The following CCDC60 variants were observed in gnomAD, a reference collection of about 807,000 sequenced individuals.
CCDC60 encodes the protein coiled-coil domain-containing protein 60.
Under a neutral mutation model 63.5 loss-of-function variants are expected in CCDC60, and 54 were observed. That is an observed-to-expected ratio of 0.85 (90% confidence interval 0.68 to 1.07). CCDC60 has a LOEUF of 1.07. Ranked by LOEUF, CCDC60 falls within the 50% of genes least tolerant of loss-of-function variation. The pLI, the probability that CCDC60 is intolerant of heterozygous loss-of-function variation, is 0.00. For missense variants in CCDC60, 651 were observed against 684.3 expected (o/e 0.95, Z 0.54); for synonymous variants, 206 against 238.8 (o/e 0.86, Z 1.27).
Position 119,456,762 on chromosome 12 carries a change from T to C in CCDC60, c.171-15232T>C, listed in dbSNP as rs1264380735. On this transcript the variant is annotated intron_variant, in intron 2 of 13. Transcript: ENST00000327554. The surrounding 1 kb of genome is among the most constrained non-coding windows in gnomAD (Gnocchi z 4.6). The stretch of plus-strand genomic sequence containing the variant: ...GTAACTTCCTGACATTGCCATGGCA[T>C]TGGTAAACTGTCATGGCGCTGACAG... Among the ~76,000 whole-genome samples, 1 of 152,224 alleles carries C rather than the reference T, an allele frequency of 6.6e-6. No individual in the cohort carries two copies. The highest frequency in any genetic ancestry group is 1.5e-5 in the Non-Finnish European group (1 of 68,036).
At chr12:119,477,616 A>G (rs541343358) in intron 3 of CCDC60, among the ~76,000 whole-genome samples, 1 of 152,354 alleles carries the variant, frequency 6.6e-6, no homozygotes, top group Non-Finnish European at 1.5e-5. Context: ...CAATGATCCA[A>G]TCAATGAAAG....
intron 4 of CCDC60, among the ~76,000 whole-genome samples, chr12:119,486,037 G>T (rs1224016181): frequency 6.6e-6 from 1 of 152,142 alleles, no homozygotes. Flanking sequence ...CAAAACAGAA[G>T]AACCCATAGG....
chr12:119,518,360 AC>A (rs1248504765), intron 8 of CCDC60, among the ~76,000 whole-genome samples: 1 of 151,942 alleles, frequency 6.6e-6, no homozygotes, highest in Admixed American at 6.6e-5. Flanking sequence ...CTTTCTCTAA[AC>A]CTCTGTTTTC....
chr12:119,452,596 A>T (rs896732470), intron 2 of CCDC60, among the ~76,000 whole-genome samples: 1 of 152,216 alleles, frequency 6.6e-6, no homozygotes, highest in Non-Finnish European at 1.5e-5. Flanking sequence ...GAAGTTAAAG[A>T]AATCAGTAGC....
chr12:119,465,047 C>A (rs1000360514), intron 2 of CCDC60, among the ~76,000 whole-genome samples: 2 of 152,244 alleles, frequency 1.3e-5, no homozygotes, highest in Non-Finnish European at 2.9e-5. Context: ...CGCGGTGGCT[C>A]ATGCCTGTAA....
chr12:119,464,384 T>G (rs1004946339), intron 2 of CCDC60, among the ~76,000 whole-genome samples: 9 of 146,856 alleles, frequency 6.1e-5, no homozygotes, highest in Non-Finnish European at 1.2e-4. Flanking sequence ...TCCTTCCTCC[T>G]TCCTTCCCTC....
intron 13 of CCDC60, among the ~76,000 whole-genome samples, chr12:119,538,790 A>G (rs907442305): frequency 6.6e-6 from 1 of 152,138 alleles, no homozygotes; most frequent in African/African-American, 2.4e-5. Context: ...GGGAATTTTC[A>G]GCCTTTTTGT....
intron 1 of CCDC60, among the ~76,000 whole-genome samples, chr12:119,372,590 T>C (rs1284663814): frequency 6.6e-6 from 1 of 152,092 alleles, no homozygotes; most frequent in East Asian, 1.9e-4. Context: ...GGCAGTGCCA[T>C]AGTCCAAAGC....
chr12:119,335,625 T>C lies in CCDC60; in HGVS notation c.90+359T>C, dbSNP rs574870996. ...TTGAGAAGTGTCTGTTCATGTCCTT[T>C]GCCCACTTTTTGATGGGGTTGTTTG... On this transcript the variant is annotated intron_variant, in intron 1 of 13. Transcript: ENST00000327554. Among the ~76,000 whole-genome samples, 77 of 151,868 alleles carry C rather than the reference T, an allele frequency of 5.1e-4. No homozygotes were observed. The Middle Eastern group carries it at 0.017, about 34-fold the overall frequency.
At chr12:119,346,137 T>G (rs1321558378) in intron 1 of CCDC60, among the ~76,000 whole-genome samples, 1 of 151,986 alleles carries the variant, frequency 6.6e-6, no homozygotes, top group African/African-American at 2.4e-5. Flanking sequence ...GCTGTATGAC[T>G]TTGGACAAAT....
chr12:119,458,431 A>T (rs1020020130), intron 2 of CCDC60, among the ~76,000 whole-genome samples: 2 of 152,022 alleles, frequency 1.3e-5, no homozygotes, highest in Admixed American at 1.3e-4. Context: ...GTTTATTTTT[A>T]TTTTTATTTT....
At chr12:119,527,794 A>G (rs1446926396) in intron 11 of CCDC60, among the ~76,000 whole-genome samples, 2 of 148,752 alleles carry the variant, frequency 1.3e-5, no homozygotes, top group African/African-American at 5.0e-5. Context: ...CTCCCGCCTC[A>G]GTCTCCCGAG....
chr12:119,364,272 T>C (rs1434206031), intron 1 of CCDC60, among the ~76,000 whole-genome samples: 1 of 152,184 alleles, frequency 6.6e-6, no homozygotes, highest in Admixed American at 6.5e-5. Flanking sequence ...TACAGTTCAA[T>C]GAGATTTGAC....
At chr12:119,480,920 TCATCATCACCATCATCATCACCAC>T (rs1566032845) in intron 4 of CCDC60, among the ~76,000 whole-genome samples, 2 of 142,234 alleles carry the variant, frequency 1.4e-5, no homozygotes, top group African/African-American at 5.8e-5. Context: ...ACCATCACCA[TCATCATCACCATCATCATCACCAC>T]CATCATCACC....
At chr12:119,397,653 C>T (rs113370389) in intron 1 of CCDC60, among the ~76,000 whole-genome samples, 1,509 of 145,698 alleles carry the variant, frequency 0.01, 26 homozygotes, top group African/African-American at 0.037. Context: ...GCTGGCTTCG[C>T]CTGGTGGATC....
intron 4 of CCDC60, 55 bp downstream of exon 4, chr12:119,479,256 A>C (rs1951247846): frequency 7.9e-7 from 1 of 1,262,578 alleles, no homozygotes. Context: ...ATTGAAGCCG[A>C]ACTGAAATGA....
chr12:119,456,364 C>A lies in CCDC60; in HGVS notation c.171-15630C>A, dbSNP rs1950749770. On this transcript the variant is annotated intron_variant, in intron 2 of 13. Transcript: ENST00000327554. The surrounding 1 kb of genome is among the most constrained non-coding windows in gnomAD (Gnocchi z 4.6). ...TGGCTAGGTTAAGGAAGAGAGTCAACTAATATTCAGAAAATAGAGTTGACA... is the reference window on the plus strand; with the variant it reads ...TGGCTAGGTTAAGGAAGAGAGTCAAATAATATTCAGAAAATAGAGTTGACA... Among the ~76,000 whole-genome samples the A allele has an allele frequency of 2.0e-5, 3 of 152,180 alleles. No homozygotes were observed. Among genetic ancestry groups the A allele is most frequent in the Admixed American group, 2.0e-4 (3 of 15,268 alleles).
At chr12:119,478,369 C>CA (rs949030194) in intron 3 of CCDC60, among the ~76,000 whole-genome samples, 22 of 119,298 alleles carry the variant, frequency 1.8e-4, no homozygotes, top group Non-Finnish European at 3.8e-4. Flanking sequence ...CACCCCCCCC[C>CA]AAAAAAAATC....
At chr12:119,387,792 C>G (rs1342142879) in intron 1 of CCDC60, among the ~76,000 whole-genome samples, 2 of 152,168 alleles carry the variant, frequency 1.3e-5, no homozygotes, top group African/African-American at 4.8e-5. Context: ...CATAGTGTTA[C>G]TGAATCACAG....
Sources: allele counts gnomAD v4.1 joint callset (sites outside exome capture counted in the v4.1 genomes callset), GRCh38; gene constraint gnomAD v4.1.1; non-coding constraint Gnocchi (gnomAD v3.1); transcripts MANE v1.5; gene names NCBI Gene and HGNC (gene_info 2026-07-23, HGNC 2026-07-21).